Variants in EFNB2 observed in about 807,000 individuals in gnomAD.
The protein encoded by EFNB2 is ephrin-B2.
Under a neutral mutation model 32.1 loss-of-function variants are expected in EFNB2, and 5 were observed. The observed-to-expected ratio is 0.16, with a 90% CI of 0.08 to 0.33. The LOEUF (loss-of-function observed/expected upper bound fraction) is 0.33, where lower values mean the gene tolerates loss of function less well. Among genes scored for constraint, EFNB2 ranks in the 10% least tolerant of loss-of-function variants. The probability of loss-of-function intolerance (pLI) is 1.00; values close to 1 mark genes in which losing one functional copy is unlikely to be tolerated. For missense variants in EFNB2, 263 were observed against 422.6 expected, an observed-to-expected ratio of 0.62 and a Z score of 3.31; for synonymous variants, 168 against 166.5, an observed-to-expected ratio of 1.01 and a Z score of -0.07.
intron 2 of EFNB2, among the ~76,000 whole-genome samples, chr13:106,497,462 T>TAAA (rs34126138): frequency 1.1e-3 from 164 of 146,978 alleles, no homozygotes; most frequent in African/African-American, 3.3e-3. Flanking sequence ...GCAGACAGCT[T>TAAA]AAAAAAAAAA....
At chr13:106,495,100 G>C in intron 3 of EFNB2, 106 bp from the exon 4 acceptor site, 1 of 843,654 alleles carries the variant, frequency 1.2e-6, no homozygotes, top group Non-Finnish European at 2.0e-6. Context: ...GAACATAAGA[G>C]TCTTTATGCA....
At chr13:106,529,281 A>G (rs550134866) in intron 1 of EFNB2, among the ~76,000 whole-genome samples, 1 of 152,164 alleles carries the variant, frequency 6.6e-6, no homozygotes, top group Non-Finnish European at 1.5e-5. Context: ...CCCTGCCTGA[A>G]GCCCAAATAG....
At chr13:106,532,482 GAAAT>G (rs941935335) in intron 1 of EFNB2, among the ~76,000 whole-genome samples, 1 of 151,998 alleles carries the variant, frequency 6.6e-6, no homozygotes, top group Non-Finnish European at 1.5e-5. Context: ...CTTTCCTCTG[GAAAT>G]AAATATAAAA....
rs1015554743 is a variant in EFNB2 at position 106,532,028 on chromosome 13, A to G, written c.122+2815T>C. Among the ~76,000 whole-genome samples, 18 of 151,464 alleles carry G rather than the reference A, an allele frequency of 1.2e-4. 1 individual carries two copies. Among genetic ancestry groups the G allele is most frequent in the Admixed American group, 9.9e-4 (15 of 15,198 alleles). The stretch of plus-strand genomic sequence containing the variant: ...ACTGAAGTGTTAAGTTAAAAACGGA[A>G]GCTAGGCATTACTGTTCTCTGCTGA... On this transcript the variant is annotated intron_variant, in intron 1 of 4. Coordinates refer to ENST00000646441, the MANE Select transcript of EFNB2 (RefSeq NM_004093.4).
chr13:106,525,112 C>T (rs935417157), intron 1 of EFNB2, among the ~76,000 whole-genome samples: 1 of 152,136 alleles, frequency 6.6e-6, no homozygotes, highest in African/African-American at 2.4e-5. Flanking sequence ...GTGCCAATCA[C>T]GGAGCTTAGC....
intron 1 of EFNB2, chr13:106,519,824 G>GT (rs1168973083): frequency 6.6e-6 from 1 of 152,108 alleles, no homozygotes; most frequent in African/African-American, 2.4e-5. Flanking sequence ...TTTTTTTAAT[G>GT]TAGTTTCAGA....
At chr13:106,534,113 A>C (rs1879974568) in intron 1 of EFNB2, among the ~76,000 whole-genome samples, 2 of 152,178 alleles carry the variant, frequency 1.3e-5, no homozygotes, top group African/African-American at 2.4e-5. Flanking sequence ...AGTGCATTAC[A>C]ATCAGGTCGG....
In EFNB2 at chr13:106,493,841, A is replaced by G. The variant is rs1301747949; in HGVS notation, c.614-413T>C. Among the ~76,000 whole-genome samples, 1 of 152,238 alleles carries G rather than the reference A, an allele frequency of 6.6e-6. No homozygotes were observed. The highest frequency in any genetic ancestry group is 1.5e-5 in the Non-Finnish European group (1 of 68,042). On this transcript the variant is annotated intron_variant, in intron 4 of 4. Coordinates refer to ENST00000646441, the MANE Select transcript of EFNB2 (RefSeq NM_004093.4). The surrounding 1 kb of genome is among the most constrained non-coding windows in gnomAD (Gnocchi z 6.1). ...CGCCTCCTTTGAGAAAGGGAGTTTC[A>G]TGCAAACCTTCAAAGGGCCTGCCTT... is the stretch of plus-strand genomic sequence containing the variant.
chr13:106,510,743 G>A (rs1347471433), intron 2 of EFNB2, among the ~76,000 whole-genome samples: 1 of 151,084 alleles, frequency 6.6e-6, no homozygotes, highest in Non-Finnish European at 1.5e-5. Flanking sequence ...GCCAGGCGCG[G>A]TGGCTCACGC....
At position 106,490,045 on chromosome 13, in the gene EFNB2, T is replaced by C. The variant is rs1043732107; in HGVS notation, c.*2995A>G. The stretch of plus-strand genomic sequence containing the variant: ...AACCTTTTATACCATTTTTTCCTCA[T>C]TACAGTGCAAAGGGGAATGACACTG... On this transcript the variant is annotated 3_prime_UTR_variant, in exon 5 of 5. Coordinates refer to ENST00000646441, the MANE Select transcript of EFNB2 (RefSeq NM_004093.4). 1 of 152,632 alleles carries C rather than the reference T, an allele frequency of 6.6e-6. No individual in the cohort carries two copies. Among genetic ancestry groups the C allele is most frequent in the Non-Finnish European group, 1.5e-5 (1 of 68,050 alleles). The allele number at this position is 152,632 out of a possible 1,614,324, so 9.5% of individuals were successfully genotyped here.
intron 1 of EFNB2, among the ~76,000 whole-genome samples, chr13:106,531,271 G>A (rs1263994547): frequency 1.3e-5 from 2 of 152,166 alleles, no homozygotes; most frequent in Non-Finnish European, 2.9e-5. Context: ...AGGCTACCAA[G>A]CATGTTGTGA....
At chr13:106,505,947 A>C (rs1878935008) in intron 2 of EFNB2, 1 of 152,298 alleles carries the variant, frequency 6.6e-6, no homozygotes, top group Admixed American at 6.5e-5. Flanking sequence ...ACACAGAGCC[A>C]TATGGGACAG....
chr13:106,512,948 C>A (rs901258734), intron 1 of EFNB2, 136 bp from the exon 2 acceptor site: 20 of 739,982 alleles, frequency 2.7e-5, no homozygotes, highest in Non-Finnish European at 3.7e-5. Flanking sequence ...TCAAAAGTCT[C>A]TTACTTCAGA....
At chr13:106,527,670 A>G (rs1323904308) in intron 1 of EFNB2, among the ~76,000 whole-genome samples, 1 of 152,228 alleles carries the variant, frequency 6.6e-6, no homozygotes, top group Non-Finnish European at 1.5e-5. Flanking sequence ...AATAACAGAA[A>G]TAGGTTCGCC....
At chr13:106,529,157 G>A (rs1419024451) in intron 1 of EFNB2, among the ~76,000 whole-genome samples, 2 of 152,144 alleles carry the variant, frequency 1.3e-5, no homozygotes, top group East Asian at 1.9e-4. Flanking sequence ...CTCCCATGCA[G>A]CGGGAGAGGG....
chr13:106,494,792 G>T, intron 4 of EFNB2, 89 bp downstream of exon 4: 1 of 980,554 alleles, frequency 1.0e-6, no homozygotes, highest in Non-Finnish European at 1.6e-6. Context: ...TAACTGGTTA[G>T]AAGTCTTTAG....
At chr13:106,525,477 A>G (rs1879668989) in intron 1 of EFNB2, among the ~76,000 whole-genome samples, 1 of 152,256 alleles carries the variant, frequency 6.6e-6, no homozygotes. Flanking sequence ...GTCTTGAGCA[A>G]TGGCCGGATG....
At position 106,534,934 on chromosome 13, in the gene EFNB2, ACTT is replaced by A. The variant is rs772731096; in HGVS notation, c.28_30del (p.Lys10del). The A allele has an allele frequency of 1.9e-5, 31 of 1,613,292 alleles. No individual in the cohort carries two copies. The highest frequency in any genetic ancestry group is 2.5e-5 in the Non-Finnish European group (30 of 1,179,620). The stretch of plus-strand genomic sequence containing the variant: ...AAAACCATCAAAACACCCCAGCAGT[ACTT>A]CCACACGGAGTCCCTTCTCACAGCC... On this transcript the variant is annotated inframe_deletion, in exon 1 of 5. Coordinates refer to ENST00000646441, the MANE Select transcript of EFNB2 (RefSeq NM_004093.4).
Position 106,492,895 on chromosome 13 carries a change from G to A in EFNB2, c.*145C>T, listed in dbSNP as rs995121032. 15 of 1,098,234 alleles carry A rather than the reference G, an allele frequency of 1.4e-5. No individual in the cohort carries two copies. Among genetic ancestry groups the A allele is most frequent in the East Asian group, 2.5e-5 (1 of 40,042 alleles). The allele number at this position is 1,098,234 out of a possible 1,614,324, so 68.0% of individuals were successfully genotyped here. On this transcript the variant is annotated 3_prime_UTR_variant, in exon 5 of 5. Coordinates refer to ENST00000646441, the MANE Select transcript of EFNB2 (RefSeq NM_004093.4). The surrounding 1 kb of genome is among the most constrained non-coding windows in gnomAD (Gnocchi z 5.1). The stretch of plus-strand genomic sequence containing the variant: ...CAAGACTAGGTAAGCTGTCCAGCGC[G>A]ACGGGCTCTTCCGAGGAGGAGTGTC...
Sources: gnomAD v4.1 joint callset for allele counts (sites outside exome capture counted in the v4.1 genomes callset) on GRCh38, gnomAD v4.1.1 for gene constraint, Gnocchi (gnomAD v3.1) non-coding constraint, MANE v1.5 for transcripts, NCBI Gene and HGNC (gene_info 2026-07-23, HGNC 2026-07-21) for gene names.